Variants in ADAM22 observed in about 807,000 individuals in gnomAD.
ADAM22 encodes the protein ADAM metallopeptidase domain 22.
Under a neutral mutation model 144.6 loss-of-function variants are expected in ADAM22, and 65 were observed. The ratio of observed to expected loss-of-function variants is 0.45; its 90% CI spans 0.37 to 0.55. The LOEUF (loss-of-function observed/expected upper bound fraction) is 0.55. Ranked by LOEUF, ADAM22 falls within the 20% of genes least tolerant of loss-of-function variation. The probability of loss-of-function intolerance (pLI) is 0.00; values close to 1 mark genes in which losing one functional copy is unlikely to be tolerated. For synonymous variants in ADAM22, 391 were observed against 412.6 expected, an observed-to-expected ratio of 0.95 and a Z score of 0.63; for missense variants, 974 against 1,184.9, an observed-to-expected ratio of 0.82 and a Z score of 2.61.
intron 26 of ADAM22, among the ~76,000 whole-genome samples, chr7:88,172,079 A>C: frequency 6.6e-6 from 1 of 151,922 alleles, no homozygotes; most frequent in Middle Eastern, 3.4e-3. Flanking sequence ...TGCATAAGGA[A>C]TTTTTTGTAT....
At chr7:88,055,952 A>G (rs773981688) in intron 3 of ADAM22, among the ~76,000 whole-genome samples, 9 of 152,214 alleles carry the variant, frequency 5.9e-5, no homozygotes, top group Non-Finnish European at 1.2e-4. Context: ...ATTGCCAATC[A>G]TCAGCCAAGA....
intron 5 of ADAM22, among the ~76,000 whole-genome samples, chr7:88,113,108 CT>C (rs1826489979): frequency 6.7e-6 from 1 of 150,086 alleles, no homozygotes; most frequent in African/African-American, 2.5e-5. Context: ...TGCATCCCCC[CT>C]GCCTGCCCTC....
At chr7:87,978,475 G>A in intron 3 of ADAM22, 63 bp downstream of exon 3, 1 of 1,451,540 alleles carries the variant, frequency 6.9e-7, no homozygotes, top group Non-Finnish European at 9.6e-7. Context: ...TTTTCCACTT[G>A]TAAAGTTTTT....
At chr7:88,014,830 C>G (rs940718858) in intron 3 of ADAM22, among the ~76,000 whole-genome samples, 5 of 152,160 alleles carry the variant, frequency 3.3e-5, no homozygotes, top group African/African-American at 1.2e-4. Context: ...TTCCCAAATG[C>G]TGATCCTCAG....
chr7:88,144,625 GA>G (rs894988204), intron 15 of ADAM22, among the ~76,000 whole-genome samples: 1 of 151,816 alleles, frequency 6.6e-6, no homozygotes. Flanking sequence ...ACTTAATCCT[GA>G]ACAATTTTCT....
chr7:88,000,413 A>G (rs1014998644), intron 3 of ADAM22, among the ~76,000 whole-genome samples: 4 of 152,210 alleles, frequency 2.6e-5, no homozygotes, highest in Non-Finnish European at 4.4e-5. Flanking sequence ...ATTGTTGCTA[A>G]AATTGTATTT....
chr7:87,983,505 C>G (rs948754550), intron 3 of ADAM22, among the ~76,000 whole-genome samples: 2 of 152,024 alleles, frequency 1.3e-5, no homozygotes, highest in Non-Finnish European at 2.9e-5. Context: ...ATTTGTGTTG[C>G]ACCTTATTGA....
At chr7:87,940,475 G>A (rs1041460109) in intron 2 of ADAM22, among the ~76,000 whole-genome samples, 13 of 152,130 alleles carry the variant, frequency 8.5e-5, no homozygotes, top group African/African-American at 3.1e-4. Flanking sequence ...AAAAATTTTA[G>A]AAGAAATTTT....
At position 87,984,272 on chromosome 7, in the gene ADAM22, A is replaced by T. The variant is rs140117774; in HGVS notation, c.323+5860A>T. Among the ~76,000 whole-genome samples, 292 of 152,228 alleles carry T rather than the reference A, an allele frequency of 1.9e-3. 1 individual carries two copies. Among genetic ancestry groups the T allele is most frequent in the African/African-American group, 6.9e-3 (287 of 41,516 alleles). On this transcript the variant is annotated intron_variant, in intron 3 of 31. Transcript: ENST00000413139. ...TAGATCCCCCTGCAGTGACCTGCAG[A>T]CAGCTGCTCTGCCGGGCAGTTTCCC...
intron 3 of ADAM22, among the ~76,000 whole-genome samples, chr7:88,069,781 TA>T (rs1812258462): frequency 6.6e-6 from 1 of 152,082 alleles, no homozygotes; most frequent in African/African-American, 2.4e-5. Context: ...ACAGGGTGGA[TA>T]GGGGCAGGAT....
chr7:88,039,289 A>C (rs1045747852), intron 3 of ADAM22, among the ~76,000 whole-genome samples: 4 of 150,352 alleles, frequency 2.7e-5, no homozygotes, highest in Non-Finnish European at 5.9e-5. Flanking sequence ...TAAAAATACA[A>C]AAAATTAGCC....
At chr7:88,193,626 G>A (rs1488474464) in intron 31 of ADAM22, among the ~76,000 whole-genome samples, 1 of 152,182 alleles carries the variant, frequency 6.6e-6, no homozygotes, top group African/African-American at 2.4e-5. Flanking sequence ...GCTTAGAGAG[G>A]CAGACTGGTC....
intron 3 of ADAM22, among the ~76,000 whole-genome samples, chr7:88,051,488 G>A (rs938396484): frequency 6.6e-6 from 1 of 151,994 alleles, no homozygotes; most frequent in Non-Finnish European, 1.5e-5. Flanking sequence ...ACTCATAGGT[G>A]GGAATTGAAT....
intron 2 of ADAM22, among the ~76,000 whole-genome samples, chr7:87,972,225 T>G (rs1850633606): frequency 6.6e-6 from 1 of 152,204 alleles, no homozygotes; most frequent in African/African-American, 2.4e-5. Flanking sequence ...GTTAAGCAAC[T>G]TCAGCAAAGT....
At position 88,014,946 on chromosome 7, in the gene ADAM22, C is replaced by G. The variant is rs529645084; in HGVS notation, c.323+36534C>G. 6.6e-5 allele frequency among the ~76,000 whole-genome samples: 10 copies of G among 151,954 alleles called. 1 individual carries two copies. In the South Asian group the frequency reaches 2.1e-3, roughly 32 times the overall value. ...GATCTGGTGGAGGAAGCCTGGGAAT[C>G]CACAGGTTTGTAGAACTCTCCAGGT... On this transcript the variant is annotated intron_variant, in intron 3 of 31. Coordinates refer to ENST00000413139, the MANE Select transcript of ADAM22 (RefSeq NM_001324418.2).
chr7:87,989,742 C>A (rs547521946), intron 3 of ADAM22, among the ~76,000 whole-genome samples: 15 of 152,178 alleles, frequency 9.9e-5, no homozygotes, highest in African/African-American at 3.6e-4. Flanking sequence ...ATGGTGAAAC[C>A]TCGTCTCTGC....
At chr7:88,078,275 C>T (rs892840708) in intron 4 of ADAM22, among the ~76,000 whole-genome samples, 21 of 152,196 alleles carry the variant, frequency 1.4e-4, no homozygotes, top group Non-Finnish European at 2.4e-4. Context: ...CTCCAACAGA[C>T]CTGCAGCTGA....
Position 88,125,671 on chromosome 7 carries a change from CA to C in ADAM22, c.678+13del. On this transcript the variant is annotated intron_variant, in intron 8 of 31. Coordinates refer to ENST00000413139, the MANE Select transcript of ADAM22 (RefSeq NM_001324418.2). The stretch of plus-strand genomic sequence containing the variant: ...GGAGTAAACGGCAGGTATGTATTCA[CA>C]GTGGTGTGTCGTGTTATTTTAAAAC... 1 of 1,576,596 alleles carries C rather than the reference CA, an allele frequency of 6.3e-7. No individual in the cohort carries two copies. Among genetic ancestry groups the C allele is most frequent in the Admixed American group, 1.9e-5 (1 of 52,348 alleles).
chr7:88,021,887 T>G (rs2129466488), intron 3 of ADAM22, among the ~76,000 whole-genome samples: 1 of 152,108 alleles, frequency 6.6e-6, no homozygotes. Flanking sequence ...TTTTTTTTCT[T>G]TTTGAGACAG....
Sources: gnomAD v4.1 joint callset for allele counts (sites outside exome capture counted in the v4.1 genomes callset) on GRCh38, gnomAD v4.1.1 for gene constraint, MANE v1.5 for transcripts, NCBI Gene and HGNC (gene_info 2026-07-23, HGNC 2026-07-21) for gene names.